Variants in SLC16A4 observed in about 807,000 individuals in gnomAD.
SLC16A4 encodes the protein solute carrier family 16 member 4.
A neutral mutation model predicts 47.9 loss-of-function variants in SLC16A4; 39 were observed. The observed-to-expected ratio is 0.81, with a 90% confidence interval of 0.63 to 1.06. The LOEUF is 1.06. Ranked by LOEUF, SLC16A4 falls within the 50% of genes least tolerant of loss-of-function variation. The probability of loss-of-function intolerance (pLI) is 0.00; values close to 1 mark genes in which losing one functional copy is unlikely to be tolerated. For synonymous variants in SLC16A4, 189 were observed against 199.9 expected, an observed-to-expected ratio of 0.95 and a Z score of 0.46; for missense variants, 524 against 573.8, an observed-to-expected ratio of 0.91 and a Z score of 0.89.
chr1:110,381,969 A>G (rs1490397268), intron 3 of SLC16A4, among the ~76,000 whole-genome samples, 174 bp from the exon 4 acceptor site: 3 of 152,196 alleles, frequency 2.0e-5, no homozygotes, highest in African/African-American at 7.2e-5. Flanking sequence ...CTAGTGCCAC[A>G]CTATTTTAGT....
At chr1:110,376,011 G>C (rs551929055) in intron 7 of SLC16A4, among the ~76,000 whole-genome samples, 29 of 152,034 alleles carry the variant, frequency 1.9e-4, no homozygotes, top group Admixed American at 7.9e-4. Context: ...CAAGTAGCTG[G>C]GACCACAGGT....
At position 110,377,006 on chromosome 1, in the gene SLC16A4, T is replaced by C; in HGVS notation, c.1186A>G (p.Thr396Ala). The C allele has an allele frequency of 1.2e-6, 2 of 1,613,964 alleles. No individual in the cohort carries two copies. The highest frequency in any genetic ancestry group is 2.2e-5 in the East Asian group (1 of 44,860). The stretch of plus-strand genomic sequence containing the variant: ...CCAGCAAAGATGGCAAAGCAGATGG[T>C]GTAGGTCATAAGTAGTGGAAATGTG... ...ATTFPLLMTY[T>A]ICFAIFAGGY... Residue 396 changes from threonine (T) to alanine (A), a missense_variant, in exon 7 of 9, where the codon ACC (threonine) becomes GCC (alanine). Coordinates refer to ENST00000369779, the MANE Select transcript of SLC16A4 (RefSeq NM_004696.3).
intron 4 of SLC16A4, 29 bp downstream of exon 4, chr1:110,381,623 C>T (rs1209540493): frequency 2.5e-6 from 4 of 1,597,108 alleles, no homozygotes; most frequent in African/African-American, 2.7e-5. Flanking sequence ...TCCTGGCCTT[C>T]TATGGTCACA....
Position 110,382,892 on chromosome 1 carries a change from G to C in SLC16A4, c.162C>G (p.Gly54=). ...CAATCCAACCAATTTGCTCTGAGGTGCCTTCAAACTCTTCTTGAAAGACCA... is the reference window on the plus strand; with the variant it reads ...CAATCCAACCAATTTGCTCTGAGGTCCCTTCAAACTCTTCTTGAAAGACCA... ...FFVVFQEEFE[G]TSEQIGWIGS... The change falls in exon 3 of 9, where the codon GGC becomes GGG. Residue 54 remains glycine (G), a synonymous_variant. Coordinates refer to ENST00000369779, the MANE Select transcript of SLC16A4 (RefSeq NM_004696.3). 6.2e-7 allele frequency: 1 copy of C among 1,612,850 alleles called. No individual in the cohort carries two copies. Among genetic ancestry groups the C allele is most frequent in the South Asian group, 1.1e-5 (1 of 90,986 alleles).
chr1:110,371,985 G>C (rs1290629136), intron 8 of SLC16A4: 1 of 151,896 alleles, frequency 6.6e-6, no homozygotes, highest in Non-Finnish European at 1.5e-5. Flanking sequence ...AGAAATGTAA[G>C]CAATTGAGGT....
Position 110,375,445 on chromosome 1 carries a change from G to T in SLC16A4, c.1336+13C>A, listed in dbSNP as rs554250971. On this transcript the variant is annotated intron_variant, in intron 8 of 8. Transcript: ENST00000369779. ...GCTATTGAAATTTGTTCAGAATGTG[G>T]TGAAGGTGTTACCTGCTATAGGTGG... 44 of 1,523,312 alleles carry T rather than the reference G, an allele frequency of 2.9e-5. No individual in the cohort carries two copies. In the East Asian group the frequency reaches 9.7e-4, roughly 34 times the overall value. The allele number at this position is 1,523,312 out of a possible 1,614,324, so 94.4% of individuals were successfully genotyped here.
chr1:110,375,112 G>C (rs12064369), intron 8 of SLC16A4: 18,273 of 179,824 alleles, frequency 0.1, 1,384 homozygotes, highest in African/African-American at 0.2. Context: ...AATTACAGGC[G>C]TGAGCAATTG....
chr1:110,387,074 A>C (rs995354152), intron 2 of SLC16A4, among the ~76,000 whole-genome samples: 1 of 152,126 alleles, frequency 6.6e-6, no homozygotes, highest in Non-Finnish European at 1.5e-5. Context: ...AGTTTCATCA[A>C]CTATCCCCTT....
intron 2 of SLC16A4, among the ~76,000 whole-genome samples, chr1:110,384,431 T>G (rs1468447666): frequency 6.6e-6 from 1 of 152,236 alleles, no homozygotes; most frequent in African/African-American, 2.4e-5. Context: ...TAATCTTCCT[T>G]ACCTGTACTC....
At chr1:110,372,939 C>T (rs1661761871) in intron 8 of SLC16A4, 1 of 151,984 alleles carries the variant, frequency 6.6e-6, no homozygotes, top group Non-Finnish European at 1.5e-5. Flanking sequence ...TCATATTTTA[C>T]ATTACATAGG....
At chr1:110,372,295 A>G (rs1043920671) in intron 8 of SLC16A4, 3 of 152,204 alleles carry the variant, frequency 2.0e-5, no homozygotes, top group Non-Finnish European at 4.4e-5. Context: ...AAAAATGCCT[A>G]TACTCTTTTA....
chr1:110,375,955 C>T lies in SLC16A4; in HGVS notation c.1243-404G>A, dbSNP rs546534558. On this transcript the variant is annotated intron_variant, in intron 7 of 8. Coordinates refer to ENST00000369779, the MANE Select transcript of SLC16A4 (RefSeq NM_004696.3). Reference sequence around the variant, plus strand: ...AGTGCAGTGGTGTGATCTTGGCTCACTGCAACCTCCACCTCCCAGGCTCAA... The same window carrying T: ...AGTGCAGTGGTGTGATCTTGGCTCATTGCAACCTCCACCTCCCAGGCTCAA... Among the ~76,000 whole-genome samples, 13 of 152,268 alleles carry T rather than the reference C, an allele frequency of 8.5e-5. No homozygotes were observed. The East Asian group carries it at 1.4e-3, about 16-fold the overall frequency.
In SLC16A4 at chr1:110,364,700, G is replaced by A. The variant is rs182686489; in HGVS notation, c.1337-807C>T. ...TAATTTTTGTGTTTTTAGTAGAGAC[G>A]GAGTTTCGCCATGTTGGCCAGGGTG... On this transcript the variant is annotated intron_variant, in intron 8 of 8. Coordinates refer to ENST00000369779, the MANE Select transcript of SLC16A4 (RefSeq NM_004696.3). Among the ~76,000 whole-genome samples, 23 of 151,924 alleles carry A rather than the reference G, an allele frequency of 1.5e-4. No homozygotes were observed. In the East Asian group the frequency reaches 2.7e-3, roughly 18 times the overall value.
At chr1:110,370,033 G>A (rs1446277662) in intron 8 of SLC16A4, 2 of 152,128 alleles carry the variant, frequency 1.3e-5, no homozygotes, top group African/African-American at 4.8e-5. Flanking sequence ...ATTAGGATGT[G>A]GAAGCTGGAT....
chr1:110,369,637 T>C (rs1464793930), intron 8 of SLC16A4, among the ~76,000 whole-genome samples: 2 of 152,062 alleles, frequency 1.3e-5, no homozygotes. Flanking sequence ...TTCCAAAGTT[T>C]CTTGGTGCTA....
At chr1:110,388,377 C>T (rs1662845330) in intron 2 of SLC16A4, among the ~76,000 whole-genome samples, 1 of 152,178 alleles carries the variant, frequency 6.6e-6, no homozygotes, top group Non-Finnish European at 1.5e-5. Context: ...AAATCCTTGT[C>T]CTCCCTTTCC....
intron 2 of SLC16A4, among the ~76,000 whole-genome samples, chr1:110,388,004 A>C (rs1484416188): frequency 6.6e-6 from 1 of 152,200 alleles, no homozygotes; most frequent in East Asian, 1.9e-4. Context: ...AGATATCTGC[A>C]TGTGAACTAT....
chr1:110,382,716 A>T, intron 3 of SLC16A4, 118 bp downstream of exon 3: 1 of 1,013,554 alleles, frequency 9.9e-7, no homozygotes, highest in Admixed American at 2.8e-5. Context: ...AGCGTTACAT[A>T]TCAGTAAATG....
Position 110,363,126 on chromosome 1 carries a change from C to G in SLC16A4, c.*640G>C, listed in dbSNP as rs1661167629. 1 of 152,128 alleles carries G rather than the reference C, an allele frequency of 6.6e-6. No homozygotes were observed. Among genetic ancestry groups the G allele is most frequent in the African/African-American group, 2.4e-5 (1 of 41,440 alleles). 9.4% of individuals were successfully genotyped at this position (152,128 alleles called of 1,614,324 possible). Reference sequence around the variant, plus strand: ...ACACTTCTTTAAATTAAAAAATTTTCTATCTTTACATATTTTAGTGACTGA... The same window carrying G: ...ACACTTCTTTAAATTAAAAAATTTTGTATCTTTACATATTTTAGTGACTGA... On this transcript the variant is annotated 3_prime_UTR_variant, in exon 9 of 9. Transcript: ENST00000369779.
Sources: allele counts gnomAD v4.1 joint callset (sites outside exome capture counted in the v4.1 genomes callset), GRCh38; gene constraint gnomAD v4.1.1; transcripts MANE v1.5; gene names NCBI Gene and HGNC (gene_info 2026-07-23, HGNC 2026-07-21).